The following PACRG variants were observed in gnomAD, a reference collection of about 807,000 sequenced individuals.
PACRG encodes parkin coregulated.
Under a neutral mutation model 29.7 loss-of-function variants are expected in PACRG, and 29 were observed. The observed-to-expected ratio is 0.98, with a 90% CI of 0.73 to 1.33. PACRG has a LOEUF of 1.33. Ranked by LOEUF, PACRG falls within the 40% of genes most tolerant of loss-of-function variation. The pLI, the probability that PACRG is intolerant of heterozygous loss-of-function variation, is 0.00. For missense variants in PACRG, 279 were observed against 316.2 expected (o/e 0.88, Z 0.89); for synonymous variants, 116 against 118.7 (o/e 0.98, Z 0.15).
intron 1 of PACRG, among the ~76,000 whole-genome samples, chr6:162,759,816 C>T (rs759142507): frequency 4.1e-4 from 63 of 152,272 alleles, no homozygotes; most frequent in Non-Finnish European, 7.2e-4. Context: ...GTGTTTGACA[C>T]ACTGTTCTAA....
chr6:163,227,316 C>T (rs1239471092), intron 4 of PACRG, among the ~76,000 whole-genome samples: 1 of 152,110 alleles, frequency 6.6e-6, no homozygotes, highest in Admixed American at 6.6e-5. Flanking sequence ...AACAACCAGA[C>T]CTCACCAGTA....
intron 4 of PACRG, among the ~76,000 whole-genome samples, chr6:163,158,999 G>A (rs1162933085): frequency 6.6e-6 from 1 of 152,118 alleles, no homozygotes; most frequent in Non-Finnish European, 1.5e-5. Context: ...GGTAGAACAT[G>A]CCTTTAAGAA....
chr6:163,034,372 C>T (rs1214687680), intron 2 of PACRG, among the ~76,000 whole-genome samples: 1 of 152,186 alleles, frequency 6.6e-6, no homozygotes, highest in African/African-American at 2.4e-5. Flanking sequence ...TAGTACCAAA[C>T]CCGTTCTTAG....
chr6:162,942,323 C>G (rs182199885), intron 2 of PACRG, among the ~76,000 whole-genome samples: 1 of 152,170 alleles, frequency 6.6e-6, no homozygotes, highest in African/African-American at 2.4e-5. Context: ...ACTTCCTGTC[C>G]CCCTCTCTTC....
intron 4 of PACRG, among the ~76,000 whole-genome samples, chr6:163,203,258 C>G (rs1780778696): frequency 6.6e-6 from 1 of 152,058 alleles, no homozygotes; most frequent in Non-Finnish European, 1.5e-5. Context: ...ACCAAAAATA[C>G]AAAATTTAGC....
In PACRG at chr6:162,777,179, C is replaced by T. The variant is rs1753237688; in HGVS notation, c.157-36968C>T. Among the ~76,000 whole-genome samples the T allele has an allele frequency of 6.6e-6, 1 of 152,216 alleles. No homozygotes were observed. Among genetic ancestry groups the T allele is most frequent in the Non-Finnish European group, 1.5e-5 (1 of 68,036 alleles). On this transcript the variant is annotated intron_variant, in intron 1 of 4. Transcript: ENST00000366888. This position sits in a 1 kb window ranked among gnomAD's most constrained non-coding sequence, Gnocchi z 4.0. ...ACTTGCACAAACCCTGATCTCTCTT[C>T]AGGGGCCTCTTCAAAAGTTCAGTAT...
intron 4 of PACRG, among the ~76,000 whole-genome samples, chr6:163,290,605 C>T (rs1358663284): frequency 6.6e-6 from 1 of 152,170 alleles, no homozygotes; most frequent in Non-Finnish European, 1.5e-5. Flanking sequence ...CCTCCATTGC[C>T]TCAACTTTCA....
intron 4 of PACRG, among the ~76,000 whole-genome samples, chr6:163,280,386 A>C (rs143984035): frequency 6.6e-6 from 1 of 152,156 alleles, no homozygotes; most frequent in Non-Finnish European, 1.5e-5. Context: ...ATTTCACTGC[A>C]TCTTGAGCTG....
intron 4 of PACRG, among the ~76,000 whole-genome samples, chr6:163,256,750 G>A (rs1057270841): frequency 1.3e-5 from 2 of 152,188 alleles, no homozygotes; most frequent in Non-Finnish European, 2.9e-5. Context: ...GGACACTGAC[G>A]GTGACCCTGA....
At position 163,315,129 on chromosome 6, in the gene PACRG, G is replaced by A; in HGVS notation, c.*142G>A. The A allele has an allele frequency of 2.1e-6, 2 of 944,812 alleles. No individual in the cohort carries two copies. The highest frequency in any genetic ancestry group is 3.1e-6 in the Non-Finnish European group (2 of 639,070). 58.5% of individuals were successfully genotyped at this position (944,812 alleles called of 1,614,324 possible). ...ATAGTGGCTTATGGGCCATTGGACT[G>A]TTAGCCCTATTGAGAGCAAGGCTTT... On this transcript the variant is annotated 3_prime_UTR_variant, in exon 5 of 5. Transcript: ENST00000366888.
At chr6:163,135,762 C>T (rs192221531) in intron 4 of PACRG, among the ~76,000 whole-genome samples, 465 of 152,292 alleles carry the variant, frequency 3.1e-3, no homozygotes, top group Middle Eastern at 0.01. Flanking sequence ...AGCCCAGAGG[C>T]AGTGTGTGAG....
At chr6:163,086,094 T>G (rs193021014) in intron 3 of PACRG, among the ~76,000 whole-genome samples, 2 of 152,342 alleles carry the variant, frequency 1.3e-5, no homozygotes, top group East Asian at 3.9e-4. Context: ...CTAAACCCGT[T>G]GAGCATAGTT....
intron 2 of PACRG, among the ~76,000 whole-genome samples, chr6:162,834,717 A>G (rs1185531531): frequency 1.3e-5 from 2 of 151,852 alleles, no homozygotes; most frequent in Non-Finnish European, 2.9e-5. Flanking sequence ...ATCTGAATGT[A>G]GATTCTATTA....
intron 2 of PACRG, among the ~76,000 whole-genome samples, chr6:162,815,201 T>C (rs1399704079): frequency 1.3e-5 from 2 of 152,068 alleles, no homozygotes; most frequent in Non-Finnish European, 2.9e-5. Context: ...ATTAGTTAAA[T>C]TAAGCAATTG....
At chr6:163,289,088 GA>G (rs1466347645) in intron 4 of PACRG, among the ~76,000 whole-genome samples, 1 of 152,156 alleles carries the variant, frequency 6.6e-6, no homozygotes, top group Non-Finnish European at 1.5e-5. Context: ...TGGGAGCCTG[GA>G]ACTGGTCGCT....
chr6:162,928,730 A>G, intron 2 of PACRG, among the ~76,000 whole-genome samples: 1 of 151,816 alleles, frequency 6.6e-6, no homozygotes, highest in East Asian at 1.9e-4. Flanking sequence ...CATATTGTAT[A>G]TGGCTATATG....
intron 4 of PACRG, among the ~76,000 whole-genome samples, chr6:163,253,407 G>T (rs960610845): frequency 1.3e-5 from 2 of 151,914 alleles, no homozygotes; most frequent in African/African-American, 2.4e-5. Context: ...AAATCGAATT[G>T]GTTGGAATCC....
chr6:162,980,246 C>A (rs1277364314), intron 2 of PACRG, among the ~76,000 whole-genome samples: 1 of 152,002 alleles, frequency 6.6e-6, no homozygotes, highest in African/African-American at 2.4e-5. Context: ...AATTACACTG[C>A]ATACAGATCT....
At position 162,728,495 on chromosome 6, in the gene PACRG, G is replaced by A. The variant is rs1171743282; in HGVS notation, c.156+104G>A. On this transcript the variant is annotated intron_variant, in intron 1 of 4. Coordinates refer to ENST00000366888, the MANE Select transcript of PACRG (RefSeq NM_001080379.2). ...ATGGACTCTGAGCCATGTCCTGGGT[G>A]GTCTTTGCCAAAAAAGGCAGTTACT... 1.1e-5 allele frequency: 16 copies of A among 1,407,048 alleles called. No homozygotes were observed. The Admixed American group carries it at 3.1e-4, about 27-fold the overall frequency. The allele number at this position is 1,407,048 out of a possible 1,614,324, so 87.2% of individuals were successfully genotyped here. A position where few individuals can be genotyped will look rare whatever the true frequency, so the allele number is the denominator to read the frequency against.
Sources: gnomAD v4.1 joint callset for allele counts (sites outside exome capture counted in the v4.1 genomes callset) on GRCh38, gnomAD v4.1.1 for gene constraint, Gnocchi (gnomAD v3.1) non-coding constraint, MANE v1.5 for transcripts, NCBI Gene and HGNC (gene_info 2026-07-23, HGNC 2026-07-21) for gene names.